The following CNOT7 variants were observed in gnomAD, a reference collection of about 807,000 sequenced individuals.
CNOT7 encodes BTG1-binding factor 1.
A neutral mutation model predicts 37.1 loss-of-function variants in CNOT7; 4 were observed. The ratio of observed to expected loss-of-function variants is 0.11; its 90% CI spans 0.05 to 0.25. CNOT7 has a LOEUF of 0.25. Ranked by LOEUF, CNOT7 falls within the 10% of genes least tolerant of loss-of-function variation. The pLI is 1.00. For synonymous variants in CNOT7, 128 were observed against 115.6 expected (o/e 1.11, Z -0.69); for missense variants, 170 against 336.2 (o/e 0.51, Z 3.87).
chr8:17,231,920 TAA>T (rs1808682718), intron 6 of CNOT7: 4 of 987,114 alleles, frequency 4.1e-6, no homozygotes, highest in Non-Finnish European at 4.8e-6. Flanking sequence ...CTCAATGCAG[TAA>T]AAGAGCCTGA....
At chr8:17,235,939 A>C (rs959447448) in intron 4 of CNOT7, among the ~76,000 whole-genome samples, 3 of 152,164 alleles carry the variant, frequency 2.0e-5, no homozygotes, top group African/African-American at 7.2e-5. Context: ...GTATTTTGTC[A>C]GAGTATTTTT....
At chr8:17,238,508 TC>T (rs369588571) in intron 3 of CNOT7, among the ~76,000 whole-genome samples, 93 of 143,974 alleles carry the variant, frequency 6.5e-4, no homozygotes, top group African/African-American at 2.0e-3. Context: ...TGAAGTAGTT[TC>T]TTTTTTTTTT....
Position 17,230,610 on chromosome 8 carries a change from T to G in CNOT7, c.*110A>C. 1.2e-6 allele frequency: 1 copy of G among 864,526 alleles called. No individual in the cohort carries two copies. The highest frequency in any genetic ancestry group is 1.7e-6 in the Non-Finnish European group (1 of 600,430). 53.6% of individuals were successfully genotyped at this position (864,526 alleles called of 1,614,324 possible). A position where few individuals can be genotyped will look rare whatever the true frequency, so the allele number is the denominator to read the frequency against. ...GAAAGGCAGACAATAAAATGGGCCATGAAAGGGGGGGGAAAGGTACTGTCT... is the reference window on the plus strand; with the variant it reads ...GAAAGGCAGACAATAAAATGGGCCAGGAAAGGGGGGGGAAAGGTACTGTCT... On this transcript the variant is annotated 3_prime_UTR_variant, in exon 7 of 7. Coordinates refer to ENST00000361272, the MANE Select transcript of CNOT7 (RefSeq NM_013354.7).
At chr8:17,238,170 C>G (rs1177845654) in intron 3 of CNOT7, among the ~76,000 whole-genome samples, 2 of 151,904 alleles carry the variant, frequency 1.3e-5, no homozygotes, top group African/African-American at 4.8e-5. Flanking sequence ...AATATTAAAA[C>G]AAAAAAGTTA....
intron 6 of CNOT7, chr8:17,232,172 C>T (rs1808726507): frequency 1.7e-5 from 21 of 1,234,020 alleles, no homozygotes; most frequent in Non-Finnish European, 2.0e-5. Context: ...ATGGTTGGAC[C>T]TACATGACTT....
At chr8:17,231,507 A>G in intron 6 of CNOT7, 1 of 984,754 alleles carries the variant, frequency 1.0e-6, no homozygotes, top group Non-Finnish European at 1.2e-6. Flanking sequence ...CTGAATCAAC[A>G]ACACTACTTA....
At chr8:17,235,596 GCTTT>G (rs1261806599) in intron 4 of CNOT7, among the ~76,000 whole-genome samples, 2 of 152,056 alleles carry the variant, frequency 1.3e-5, no homozygotes, top group African/African-American at 2.4e-5. Context: ...CTTTCGCACA[GCTTT>G]CTGTCTCCCT....
At chr8:17,242,170 C>A (rs1313620425) in intron 3 of CNOT7, 1 of 152,186 alleles carries the variant, frequency 6.6e-6, no homozygotes, top group African/African-American at 2.4e-5. Context: ...AGAACGTGCA[C>A]ACTCCACTCA....
intron 2 of CNOT7, chr8:17,244,194 A>G (rs1810572585): frequency 6.4e-6 from 1 of 157,358 alleles, no homozygotes; most frequent in Admixed American, 6.2e-5. Flanking sequence ...GGTAGCTAAC[A>G]GATATAGACA....
At chr8:17,243,235 A>G (rs1426413445) in intron 2 of CNOT7, 50 bp from the exon 3 acceptor site, 5 of 1,412,362 alleles carry the variant, frequency 3.5e-6, no homozygotes, top group Non-Finnish European at 4.8e-6. Flanking sequence ...CAAAACTACA[A>G]TCCACACATT....
Position 17,243,120 on chromosome 8 carries a change from T to C in CNOT7, c.183A>G (p.Gln61=), listed in dbSNP as rs769077755. The C allele has an allele frequency of 1.4e-5, 23 of 1,610,706 alleles. No individual in the cohort carries two copies. In the South Asian group the frequency reaches 1.8e-4, roughly 12 times the overall value. ...CTACATTACACCGCAATAGTTGGTA[T>C]TGATAGTCAGCATTGCTCCTGAATT... The part of the protein sequence containing the change: ...IGEFRSNADY[Q]YQLLRCNVDL... Residue 61 remains glutamine (Q), a synonymous_variant, in exon 3 of 7, where the codon CAA becomes CAG. Transcript: ENST00000361272.
intron 6 of CNOT7, chr8:17,231,556 C>T: frequency 1.0e-6 from 1 of 985,058 alleles, no homozygotes; most frequent in Non-Finnish European, 1.2e-6. Context: ...CAATACATTG[C>T]TACAAAAAGT....
intron 3 of CNOT7, among the ~76,000 whole-genome samples, chr8:17,239,205 A>G (rs1160396588): frequency 6.6e-6 from 1 of 151,964 alleles, no homozygotes; most frequent in Non-Finnish European, 1.5e-5. Context: ...GATATGAGCC[A>G]CCATGCCTGG....
intron 3 of CNOT7, chr8:17,242,516 T>G (rs897235664): frequency 6.5e-6 from 1 of 152,790 alleles, no homozygotes; most frequent in African/African-American, 2.4e-5. Context: ...TTTTGTGGGC[T>G]GAAGTGGCAA....
rs1431524026 is a variant in CNOT7, at chr8:17,226,379, T to G, written c.*4341A>C. ...ACGTATTTCATCTTTGAAAATGTCT[T>G]TTCACACAAACAGGTCAAGGTACTG... On this transcript the variant is annotated 3_prime_UTR_variant, in exon 7 of 7. Transcript: ENST00000361272. 6.9e-6 allele frequency: 1 copy of G among 145,758 alleles called. No individual in the cohort carries two copies. The highest frequency in any genetic ancestry group is 1.6e-5 in the Non-Finnish European group (1 of 63,912). The allele number at this position is 145,758 out of a possible 1,614,324, so 9.0% of individuals were successfully genotyped here.
rs1811217004 is a variant in CNOT7 at position 17,246,778 on chromosome 8, C to T, written c.-199G>A. 1 of 201,626 alleles carries T rather than the reference C, an allele frequency of 5.0e-6. No individual in the cohort carries two copies. The highest frequency in any genetic ancestry group is 1.0e-5 in the Non-Finnish European group (1 of 97,900). 12.5% of individuals were successfully genotyped at this position (201,626 alleles called of 1,614,324 possible). A position where few individuals can be genotyped will look rare whatever the true frequency, so the allele number is the denominator to read the frequency against. On this transcript the variant is annotated 5_prime_UTR_variant, in exon 1 of 7. Coordinates refer to ENST00000361272, the MANE Select transcript of CNOT7 (RefSeq NM_013354.7). ...CGGTAGCGGCGGCGGCAGCGGGTGC[C>T]CCATAGACACCTCTCGCCCAGCGAA...
chr8:17,231,667 T>A (rs1585776679), intron 6 of CNOT7: 1 of 985,288 alleles, frequency 1.0e-6, no homozygotes, highest in Non-Finnish European at 1.2e-6. Context: ...AAAACCTCAC[T>A]TGTTTTTTGC....
Position 17,230,662 on chromosome 8 carries a change from A to T in CNOT7, c.*58T>A. The T allele has an allele frequency of 4.1e-6, 6 of 1,469,450 alleles. No individual in the cohort carries two copies. The allele number at this position is 1,469,450 out of a possible 1,614,324, so 91.0% of individuals were successfully genotyped here. On this transcript the variant is annotated 3_prime_UTR_variant, in exon 7 of 7. Transcript: ENST00000361272. ...TTGTTCGAGGGATTCAACCAGAGAT[A>T]AAACCTATATACAAGCATGTGTGTA... is the stretch of plus-strand genomic sequence containing the variant.
At chr8:17,241,726 A>G (rs937888051) in intron 3 of CNOT7, 2 of 152,224 alleles carry the variant, frequency 1.3e-5, no homozygotes, top group Admixed American at 1.3e-4. Flanking sequence ...TGCAACTTTA[A>G]GCCAAAAGAT....
Sources: allele counts gnomAD v4.1 joint callset (sites outside exome capture counted in the v4.1 genomes callset), GRCh38; gene constraint gnomAD v4.1.1; transcripts MANE v1.5; gene names NCBI Gene and HGNC (gene_info 2026-07-23, HGNC 2026-07-21).